MACROH2A1: variants seen among roughly 807,000 people sequenced by gnomAD.
The protein encoded by MACROH2A1 is macroH2A.1 histone.
MACROH2A1 carries 2 observed loss-of-function variants against 31.6 expected under a neutral mutation model. The observed-to-expected ratio is 0.06, with a 90% CI of 0.03 to 0.20. The LOEUF is 0.20. Ranked by LOEUF, MACROH2A1 falls within the 10% of genes least tolerant of loss-of-function variation. The pLI, the probability that MACROH2A1 is intolerant of heterozygous loss-of-function variation, is 1.00. For missense variants in MACROH2A1, 230 were observed against 474.0 expected, an observed-to-expected ratio of 0.49 and a Z score of 4.78; for synonymous variants, 169 against 189.6, an observed-to-expected ratio of 0.89 and a Z score of 0.89.
At chr5:135,360,913 G>A (rs924838314) in intron 4 of MACROH2A1, 10 of 490,338 alleles carry the variant, frequency 2.0e-5, no homozygotes, top group African/African-American at 5.9e-5. Flanking sequence ...CCAAGTAAAT[G>A]TCTCTTAATT....
chr5:135,389,073 C>T lies in MACROH2A1; in HGVS notation c.21G>A (p.Lys7=), dbSNP rs2149961461. The part of the protein sequence containing the change: MSSRGG[K]KKSTKTSRSA... ...ACCTGGACGTCTTGGTGGACTTCTT[C>T]TTCCCACCGCGGCTCGACATGGCGG... is the stretch of plus-strand genomic sequence containing the variant. The change falls in exon 2 of 9, where the codon AAG becomes AAA. Residue 7 remains lysine, a synonymous_variant. Coordinates refer to ENST00000511689, the MANE Select transcript of MACROH2A1 (RefSeq NM_138610.3). 1 of 1,613,516 alleles carries T rather than the reference C, an allele frequency of 6.2e-7. No homozygotes were observed. Among genetic ancestry groups the T allele is most frequent in the African/African-American group, 1.3e-5 (1 of 75,050 alleles).
chr5:135,381,756 A>T (rs1765685356), intron 2 of MACROH2A1, among the ~76,000 whole-genome samples: 1 of 152,260 alleles, frequency 6.6e-6, no homozygotes, highest in Non-Finnish European at 1.5e-5. Context: ...ACACGAAGAT[A>T]GTTCTAGAAG....
In MACROH2A1 at chr5:135,389,618, G is replaced by A. The variant is rs576041942; in HGVS notation, c.-33-492C>T. Reference sequence around the variant, plus strand: ...AGAACAGCTTACAGGAGTCAGTACAGTGTATAGTCAGGTTGCAGTAAGAGG... The same window carrying A: ...AGAACAGCTTACAGGAGTCAGTACAATGTATAGTCAGGTTGCAGTAAGAGG... On this transcript the variant is annotated intron_variant, in intron 1 of 8. Coordinates refer to ENST00000511689, the MANE Select transcript of MACROH2A1 (RefSeq NM_138610.3). Among the ~76,000 whole-genome samples the A allele has an allele frequency of 2.6e-5, 4 of 152,342 alleles. No homozygotes were observed. In the Middle Eastern group the frequency reaches 0.01, roughly 389 times the overall value.
Position 135,343,412 on chromosome 5 carries a change from G to A in MACROH2A1, c.801C>T (p.Gly267=). The change falls in exon 8 of 9, where the codon GGC becomes GGT. Residue 267 remains glycine (G), a synonymous_variant. Transcript: ENST00000511689. The stretch of plus-strand genomic sequence containing the variant: ...AGTGGATCACAAACTTGGCAGGCAG[G>A]CCATGGCCTGCGCTGACAGCAGCTA... ...VAGAAVSAGH[G]LPAKFVIHCN... 1 of 1,614,186 alleles carries A rather than the reference G, an allele frequency of 6.2e-7. No individual in the cohort carries two copies. The highest frequency in any genetic ancestry group is 1.1e-5 in the South Asian group (1 of 91,084).
chr5:135,339,019 C>T (rs1448613748), intron 8 of MACROH2A1, among the ~76,000 whole-genome samples: 1 of 152,168 alleles, frequency 6.6e-6, no homozygotes, highest in Non-Finnish European at 1.5e-5. Flanking sequence ...GATGCGTGCA[C>T]TGTTTGTTGT....
chr5:135,340,331 C>G (rs138876438), intron 8 of MACROH2A1, among the ~76,000 whole-genome samples: 1 of 152,138 alleles, frequency 6.6e-6, no homozygotes, highest in South Asian at 2.1e-4. Flanking sequence ...GGTTTAGCAC[C>G]GCGCCTGGGG....
chr5:135,391,969 C>T (rs1028258088), intron 1 of MACROH2A1, among the ~76,000 whole-genome samples: 7 of 152,232 alleles, frequency 4.6e-5, no homozygotes, highest in African/African-American at 1.7e-4. Context: ...CAGCATACTT[C>T]AGCTACTTTT....
chr5:135,393,269 C>T (rs1385278831), intron 1 of MACROH2A1, among the ~76,000 whole-genome samples: 1 of 152,182 alleles, frequency 6.6e-6, no homozygotes, highest in East Asian at 1.9e-4. Context: ...GGGGCCAGGC[C>T]TGCAAATGGG....
intron 8 of MACROH2A1, among the ~76,000 whole-genome samples, chr5:135,336,888 G>A (rs1224119597): frequency 2.0e-5 from 3 of 152,182 alleles, no homozygotes; most frequent in Non-Finnish European, 4.4e-5. Context: ...ATTTTTGGGG[G>A]GCATCTTTCC....
intron 1 of MACROH2A1, among the ~76,000 whole-genome samples, chr5:135,394,180 C>T (rs1243792105): frequency 2.6e-5 from 4 of 152,212 alleles, no homozygotes; most frequent in Non-Finnish European, 5.9e-5. Flanking sequence ...TCCTAACAGG[C>T]TGCTCCCTGC....
At chr5:135,361,895 G>A (rs140878955) in intron 4 of MACROH2A1, 1 of 152,294 alleles carries the variant, frequency 6.6e-6, no homozygotes, top group East Asian at 1.9e-4. Flanking sequence ...AATTTAGTGA[G>A]CTAAATCTCA....
chr5:135,386,076 CACCCAGAATGTCTAAGTTAG>C (rs1766364997), intron 2 of MACROH2A1, among the ~76,000 whole-genome samples: 1 of 152,204 alleles, frequency 6.6e-6, no homozygotes, highest in Admixed American at 6.5e-5. Flanking sequence ...CTAAGTGGGT[CACCCAGAATGTCTAAGTTAG>C]ACCCAGAATG....
In MACROH2A1 at chr5:135,398,420, A is replaced by G. The variant is rs1189408832; in HGVS notation, c.-34+642T>C. Among the ~76,000 whole-genome samples, 2 of 152,116 alleles carry G rather than the reference A, an allele frequency of 1.3e-5. No individual in the cohort carries two copies. The highest frequency in any genetic ancestry group is 2.9e-5 in the Non-Finnish European group (2 of 68,002). The stretch of plus-strand genomic sequence containing the variant: ...AAAGGCTGATACCGAGACAATCGGG[A>G]GCAGCGGGGGTTCCCGTGGCCCCTC... On this transcript the variant is annotated intron_variant, in intron 1 of 8. Coordinates refer to ENST00000511689, the MANE Select transcript of MACROH2A1 (RefSeq NM_138610.3). This position sits in a 1 kb window ranked among gnomAD's most constrained non-coding sequence, Gnocchi z 4.6.
chr5:135,376,636 G>A (rs527800012), intron 2 of MACROH2A1, among the ~76,000 whole-genome samples: 38 of 152,294 alleles, frequency 2.5e-4, no homozygotes, highest in Non-Finnish European at 1.0e-4. Flanking sequence ...ACAGACCGTC[G>A]GGGTTTGGAT....
At chr5:135,395,589 G>A (rs1385297014) in intron 1 of MACROH2A1, among the ~76,000 whole-genome samples, 1 of 152,164 alleles carries the variant, frequency 6.6e-6, no homozygotes, top group Non-Finnish European at 1.5e-5. Context: ...CACTAATCCT[G>A]TTTACAGCAT....
At chr5:135,358,947 C>G in intron 5 of MACROH2A1, 1 of 985,416 alleles carries the variant, frequency 1.0e-6, no homozygotes, top group Non-Finnish European at 1.2e-6. Flanking sequence ...GTGTTTGCCC[C>G]CTCCCCTCCA....
At chr5:135,357,741 T>G (rs528513329) in intron 5 of MACROH2A1, 1 of 985,172 alleles carries the variant, frequency 1.0e-6, no homozygotes, top group South Asian at 4.7e-5. Flanking sequence ...CAGCACTGAT[T>G]TCTTTTTTAA....
At chr5:135,351,435 A>G (rs1238339812) in intron 6 of MACROH2A1, 1 of 154,096 alleles carries the variant, frequency 6.5e-6, no homozygotes, top group Non-Finnish European at 1.4e-5. Context: ...CAGTATTGAT[A>G]TATGTAGAGG....
chr5:135,378,369 C>T (rs985893619), intron 2 of MACROH2A1, among the ~76,000 whole-genome samples: 1 of 152,152 alleles, frequency 6.6e-6, no homozygotes, highest in Non-Finnish European at 1.5e-5. Context: ...CCTGCCTGTG[C>T]GCTCTAGACT....
Sources: allele counts gnomAD v4.1 joint callset (sites outside exome capture counted in the v4.1 genomes callset), GRCh38; gene constraint gnomAD v4.1.1; non-coding constraint Gnocchi (gnomAD v3.1); transcripts MANE v1.5; gene names NCBI Gene and HGNC (gene_info 2026-07-23, HGNC 2026-07-21).